TMCC1: variants seen among roughly 807,000 people sequenced by gnomAD.
TMCC1 encodes transmembrane and coiled-coil domains protein 1.
Under a neutral mutation model 52.4 loss-of-function variants are expected in TMCC1, and 15 were observed. That is an observed-to-expected ratio of 0.29 (90% CI 0.19 to 0.44). The LOEUF is 0.44. TMCC1 is among the 20% of genes least tolerant of loss of function. The pLI, the probability that TMCC1 is intolerant of heterozygous loss-of-function variation, is 1.00. For missense variants in TMCC1, 503 were observed against 806.0 expected (o/e 0.62, Z 4.55); for synonymous variants, 279 against 301.9 (o/e 0.92, Z 0.79).
intron 1 of TMCC1, among the ~76,000 whole-genome samples, chr3:129,884,557 G>A (rs1411094824): frequency 2.0e-5 from 3 of 152,132 alleles, no homozygotes; most frequent in Non-Finnish European, 4.4e-5. Flanking sequence ...TTAGAACTCA[G>A]TTCCCATCAC....
intron 4 of TMCC1, among the ~76,000 whole-genome samples, chr3:129,742,992 G>A (rs1016398897): frequency 1.3e-5 from 2 of 152,256 alleles, no homozygotes; most frequent in African/African-American, 2.4e-5. Flanking sequence ...CAAATCTATA[G>A]GGATAGAAAA....
intron 1 of TMCC1, among the ~76,000 whole-genome samples, chr3:129,880,971 C>T (rs2061432296): frequency 1.3e-5 from 2 of 150,756 alleles, no homozygotes; most frequent in African/African-American, 4.9e-5. Flanking sequence ...TCAAGCGATT[C>T]TCCTGCCTCA....
chr3:129,705,133 A>G (rs2048123994), intron 4 of TMCC1, among the ~76,000 whole-genome samples: 1 of 152,210 alleles, frequency 6.6e-6, no homozygotes, highest in Non-Finnish European at 1.5e-5. Context: ...TGCTGTGCAA[A>G]TGGCATCAGG....
intron 4 of TMCC1, among the ~76,000 whole-genome samples, chr3:129,785,535 C>G (rs572299083): frequency 1.3e-5 from 2 of 151,376 alleles, no homozygotes; most frequent in South Asian, 4.2e-4. Context: ...GCCTTTATGT[C>G]TAGTTTCCTA....
rs1033955262 is a variant in TMCC1 at position 129,860,602 on chromosome 3, T to C, written c.-184+19707A>G. 2.6e-5 allele frequency among the ~76,000 whole-genome samples: 4 copies of C among 151,614 alleles called. No homozygotes were observed. In the South Asian group the frequency reaches 6.2e-4, roughly 24 times the overall value. On this transcript the variant is annotated intron_variant, in intron 2 of 6. Coordinates refer to ENST00000393238, the MANE Select transcript of TMCC1 (RefSeq NM_001017395.5). ...AGCATTTTCTATAACAAACACATTA[T>C]TATTTTTTTTTTTTTGAGATGGAGT...
chr3:129,785,934 T>C (rs1004695845), intron 4 of TMCC1, among the ~76,000 whole-genome samples: 8 of 1,046 alleles, frequency 7.6e-3, no homozygotes, highest in African/African-American at 0.016. Flanking sequence ...CCTCACCCCC[T>C]TTTTTTTTTT....
intron 4 of TMCC1, among the ~76,000 whole-genome samples, chr3:129,786,489 CA>C (rs1214281812): frequency 6.6e-6 from 1 of 152,172 alleles, no homozygotes; most frequent in African/African-American, 2.4e-5. Flanking sequence ...CTGGGGGTGA[CA>C]GGGGAAGGAG....
chr3:129,844,734 CTTTAT>C (rs1454207630), intron 2 of TMCC1, among the ~76,000 whole-genome samples: 1 of 152,130 alleles, frequency 6.6e-6, no homozygotes, highest in Non-Finnish European at 1.5e-5. Flanking sequence ...GAACTGAATC[CTTTAT>C]TTTAGTTTTC....
chr3:129,829,347 G>A (rs1293145548), intron 3 of TMCC1, among the ~76,000 whole-genome samples: 1 of 149,642 alleles, frequency 6.7e-6, no homozygotes, highest in African/African-American at 2.5e-5. Context: ...AAAAAGAAAG[G>A]TCAAACAGCA....
In TMCC1 at chr3:129,732,609, T is replaced by G. The variant is rs1053764475; in HGVS notation, c.577-61345A>C. On this transcript the variant is annotated intron_variant, in intron 4 of 6. Coordinates refer to ENST00000393238, the MANE Select transcript of TMCC1 (RefSeq NM_001017395.5). ...TCATTACCTAGTCAGAAAGCTGGTA[T>G]GTTATTTACTCTGCTCAGCCATACA... Among the ~76,000 whole-genome samples, 7 of 152,296 alleles carry G rather than the reference T, an allele frequency of 4.6e-5. No individual in the cohort carries two copies. The East Asian group carries it at 1.4e-3, about 29-fold the overall frequency.
At chr3:129,717,060 A>G (rs1308675502) in intron 4 of TMCC1, among the ~76,000 whole-genome samples, 1 of 152,226 alleles carries the variant, frequency 6.6e-6, no homozygotes, top group African/African-American at 2.4e-5. Context: ...CCTGTCTTAA[A>G]TAAACTTCTT....
At chr3:129,667,043 AGGC>A (rs2087519883) in intron 5 of TMCC1, among the ~76,000 whole-genome samples, 1 of 151,510 alleles carries the variant, frequency 6.6e-6, no homozygotes, top group Non-Finnish European at 1.5e-5. Context: ...CTGGGACTAC[AGGC>A]GCATGCCACC....
At chr3:129,705,890 CCTT>C (rs1214720537) in intron 4 of TMCC1, among the ~76,000 whole-genome samples, 2 of 36,926 alleles carry the variant, frequency 5.4e-5, no homozygotes, top group East Asian at 2.0e-3. Context: ...CCGCGCCCGG[CCTT>C]TTTTTCTTTT....
intron 2 of TMCC1, among the ~76,000 whole-genome samples, chr3:129,853,123 GTGAGCTATGATTGTGCCAC>G (rs1322983318): frequency 6.6e-6 from 1 of 152,136 alleles, no homozygotes; most frequent in Non-Finnish European, 1.5e-5. Context: ...CTGGGGTATA[GTGAGCTATGATTGTGCCAC>G]TGCACTCTAG....
intron 2 of TMCC1, among the ~76,000 whole-genome samples, chr3:129,839,283 T>C (rs2059314615): frequency 1.3e-5 from 2 of 151,986 alleles, no homozygotes; most frequent in African/African-American, 4.8e-5. Flanking sequence ...AGGGAAGAAC[T>C]GGGAACACAC....
At chr3:129,843,995 A>G (rs549890649) in intron 2 of TMCC1, among the ~76,000 whole-genome samples, 11 of 152,260 alleles carry the variant, frequency 7.2e-5, no homozygotes, top group African/African-American at 2.4e-4. Flanking sequence ...ATATTAGCAA[A>G]TCAAATACAG....
chr3:129,741,730 CCA>C (rs1357349187), intron 4 of TMCC1, among the ~76,000 whole-genome samples: 1 of 152,124 alleles, frequency 6.6e-6, no homozygotes, highest in Non-Finnish European at 1.5e-5. Flanking sequence ...CTCCATTTCT[CCA>C]CACACTTATT....
chr3:129,876,787 T>C (rs562262997), intron 2 of TMCC1, among the ~76,000 whole-genome samples: 1 of 152,084 alleles, frequency 6.6e-6, no homozygotes, highest in East Asian at 1.9e-4. Flanking sequence ...ACTCCGTCTC[T>C]ACTAAAAATA....
At chr3:129,793,116 G>A (rs2056585859) in intron 4 of TMCC1, among the ~76,000 whole-genome samples, 1 of 152,014 alleles carries the variant, frequency 6.6e-6, no homozygotes, top group Non-Finnish European at 1.5e-5. Context: ...CATTGAAAGA[G>A]CAACAAAAAT....
Sources: gnomAD v4.1 joint callset for allele counts (sites outside exome capture counted in the v4.1 genomes callset) on GRCh38, gnomAD v4.1.1 for gene constraint, MANE v1.5 for transcripts, NCBI Gene and HGNC (gene_info 2026-07-23, HGNC 2026-07-21) for gene names.